Variants in RAPGEF4 observed in about 807,000 individuals in gnomAD.
RAPGEF4 encodes RAP guanine-nucleotide-exchange factor (GEF) 4.
A neutral mutation model predicts 147.9 loss-of-function variants in RAPGEF4; 66 were observed. The ratio of observed to expected loss-of-function variants is 0.45; its 90% CI spans 0.37 to 0.55. The LOEUF is 0.55. Ranked by LOEUF, RAPGEF4 falls within the 20% of genes least tolerant of loss-of-function variation. The pLI, the probability that RAPGEF4 is intolerant of heterozygous loss-of-function variation, is 0.00. For missense variants in RAPGEF4, 1,071 were observed against 1,257.3 expected (o/e 0.85, Z 2.24); for synonymous variants, 419 against 442.7 (o/e 0.95, Z 0.67).
chr2:172,804,542 C>T (rs145765471), intron 3 of RAPGEF4, among the ~76,000 whole-genome samples: 37 of 152,268 alleles, frequency 2.4e-4, no homozygotes, highest in Non-Finnish European at 3.7e-4. Flanking sequence ...TTCAGGATGA[C>T]GCAGTGGTGA....
intron 1 of RAPGEF4, among the ~76,000 whole-genome samples, chr2:172,781,790 C>A (rs1224626227): frequency 1.3e-5 from 2 of 152,300 alleles, no homozygotes; most frequent in Admixed American, 6.5e-5. Context: ...CCTACACATA[C>A]CCTCTGTAGA....
chr2:172,901,999 T>G (rs192532624), intron 4 of RAPGEF4, among the ~76,000 whole-genome samples: 1 of 151,838 alleles, frequency 6.6e-6, no homozygotes, highest in Non-Finnish European at 1.5e-5. Context: ...TCATGAGGAC[T>G]GGGGGTTGGG....
At chr2:172,858,111 T>A (rs1250826103) in intron 4 of RAPGEF4, among the ~76,000 whole-genome samples, 3 of 152,150 alleles carry the variant, frequency 2.0e-5, no homozygotes, top group Non-Finnish European at 4.4e-5. Flanking sequence ...ATTTAGCTGA[T>A]GTGAGTCATG....
intron 1 of RAPGEF4, among the ~76,000 whole-genome samples, chr2:172,739,327 TC>T (rs1446784012): frequency 1.3e-5 from 2 of 151,742 alleles, no homozygotes; most frequent in Non-Finnish European, 2.9e-5. Flanking sequence ...AAATGTCCTT[TC>T]TTTTTTTTTT....
chr2:172,766,217 A>G (rs1696821478), intron 1 of RAPGEF4, among the ~76,000 whole-genome samples: 1 of 152,156 alleles, frequency 6.6e-6, no homozygotes, highest in Non-Finnish European at 1.5e-5. Flanking sequence ...ATGATACAAT[A>G]AAGTACACAT....
intron 1 of RAPGEF4, among the ~76,000 whole-genome samples, chr2:172,738,135 G>A (rs557241019): frequency 2.0e-5 from 3 of 152,352 alleles, no homozygotes; most frequent in South Asian, 4.1e-4. Context: ...AAGGTTGAGA[G>A]TGTTTATGGA....
At position 173,009,973 on chromosome 2, in the gene RAPGEF4, T is replaced by C. The variant is rs190848705; in HGVS notation, c.1659-4491T>C. On this transcript the variant is annotated intron_variant, in intron 17 of 30. Transcript: ENST00000397081. ...TATGTTTGCATAAAGAAAGTAATGT[T>C]AACATCAGACAAAACACAACAACAT... 1.3e-3 allele frequency among the ~76,000 whole-genome samples: 199 copies of C among 152,316 alleles called. 1 individual carries two copies. Among genetic ancestry groups the C allele is most frequent in the African/African-American group, 4.6e-3 (192 of 41,594 alleles).
At chr2:172,854,024 C>T (rs1693146933) in intron 4 of RAPGEF4, among the ~76,000 whole-genome samples, 1 of 151,928 alleles carries the variant, frequency 6.6e-6, no homozygotes, top group African/African-American at 2.4e-5. Flanking sequence ...GTATTCCTAT[C>T]TTGGTAAATC....
chr2:172,933,211 G>A (rs1045031558), intron 6 of RAPGEF4, among the ~76,000 whole-genome samples: 1 of 152,108 alleles, frequency 6.6e-6, no homozygotes, highest in African/African-American at 2.4e-5. Flanking sequence ...AAACTCATGT[G>A]TACTTCATGG....
chr2:172,751,495 A>G (rs918561783), intron 1 of RAPGEF4, among the ~76,000 whole-genome samples: 1 of 152,194 alleles, frequency 6.6e-6, no homozygotes, highest in African/African-American at 2.4e-5. Flanking sequence ...GTAGAGGAAC[A>G]GACGGTAAAC....
At chr2:172,943,251 G>A (rs1218625821) in intron 6 of RAPGEF4, among the ~76,000 whole-genome samples, 1 of 152,172 alleles carries the variant, frequency 6.6e-6, no homozygotes, top group African/African-American at 2.4e-5. Flanking sequence ...TTTGTTCCTA[G>A]AAGAATGGGG....
chr2:173,006,135 A>G (rs758788187), intron 17 of RAPGEF4, among the ~76,000 whole-genome samples: 8 of 152,228 alleles, frequency 5.3e-5, no homozygotes, highest in Non-Finnish European at 1.0e-4. Context: ...CAGGAAGCCT[A>G]TAACTCCAAT....
intron 4 of RAPGEF4, among the ~76,000 whole-genome samples, chr2:172,862,059 TA>T (rs1219474596): frequency 1.3e-5 from 2 of 152,158 alleles, no homozygotes; most frequent in African/African-American, 4.8e-5. Flanking sequence ...GAAGTTTGAA[TA>T]ATCACAAAAA....
At chr2:173,048,799 C>T (rs1395182856) in intron 30 of RAPGEF4, 145 bp downstream of exon 30, 3 of 1,437,452 alleles carry the variant, frequency 2.1e-6, no homozygotes, top group African/African-American at 2.9e-5. Context: ...AGATAGGGGC[C>T]TTGAGTTTAA....
intron 4 of RAPGEF4, among the ~76,000 whole-genome samples, chr2:172,861,221 A>T (rs778421663): frequency 2.0e-5 from 3 of 152,170 alleles, no homozygotes; most frequent in Non-Finnish European, 4.4e-5. Flanking sequence ...GAGCGAAGCA[A>T]GATGGAATTT....
chr2:173,017,877 A>G (rs1376294396), intron 21 of RAPGEF4, among the ~76,000 whole-genome samples: 1 of 152,172 alleles, frequency 6.6e-6, no homozygotes, highest in East Asian at 1.9e-4. Context: ...CCCAGGGACA[A>G]TGCTCTGGCC....
intron 6 of RAPGEF4, among the ~76,000 whole-genome samples, chr2:172,952,713 A>T (rs138294965): frequency 6.6e-6 from 1 of 152,332 alleles, no homozygotes; most frequent in African/African-American, 2.4e-5. Flanking sequence ...TTACCATTTT[A>T]TTTTTTGCCT....
intron 29 of RAPGEF4, among the ~76,000 whole-genome samples, chr2:173,043,934 A>C (rs2106060255): frequency 6.6e-6 from 1 of 152,210 alleles, no homozygotes; most frequent in African/African-American, 2.4e-5. Context: ...ATGCAGGCTG[A>C]CCCCTAAATT....
intron 6 of RAPGEF4, among the ~76,000 whole-genome samples, chr2:172,926,620 G>A (rs1045498169): frequency 3.3e-5 from 5 of 152,078 alleles, no homozygotes; most frequent in African/African-American, 1.2e-4. Flanking sequence ...TCACCAGGCT[G>A]GAGTGCAGTG....
Sources: allele counts gnomAD v4.1 joint callset (sites outside exome capture counted in the v4.1 genomes callset), GRCh38; gene constraint gnomAD v4.1.1; transcripts MANE v1.5; gene names NCBI Gene and HGNC (gene_info 2026-07-23, HGNC 2026-07-21).